The following LSAMP variants were observed in gnomAD, a reference collection of about 807,000 sequenced individuals.
LSAMP encodes the protein limbic system associated membrane protein, also known as limbic system-associated membrane protein.
A neutral mutation model predicts 38.6 loss-of-function variants in LSAMP; 7 were observed. The observed-to-expected ratio is 0.18, with a 90% CI of 0.10 to 0.34. The LOEUF (loss-of-function observed/expected upper bound fraction) is 0.34, where lower values mean the gene tolerates loss of function less well. Ranked by LOEUF, LSAMP falls within the 10% of genes least tolerant of loss-of-function variation. The pLI, the probability that LSAMP is intolerant of heterozygous loss-of-function variation, is 1.00. For synonymous variants in LSAMP, 154 were observed against 166.8 expected (o/e 0.92, Z 0.59); for missense variants, 313 against 420.0 (o/e 0.75, Z 2.23).
rs552056141 is a variant in LSAMP, at chr3:116,130,913, T to C, written c.156-44357A>G. 9.2e-5 allele frequency among the ~76,000 whole-genome samples: 14 copies of C among 152,056 alleles called. No individual in the cohort carries two copies. The South Asian group carries it at 2.7e-3, about 29-fold the overall frequency. ...CTTCTCTCACTGGGCCTTGCTCTAATGAGTGTATGTTGTTCTTTAGTCATT... is the reference window on the plus strand; with the variant it reads ...CTTCTCTCACTGGGCCTTGCTCTAACGAGTGTATGTTGTTCTTTAGTCATT... On this transcript the variant is annotated intron_variant, in intron 1 of 6. Coordinates refer to ENST00000490035, the MANE Select transcript of LSAMP (RefSeq NM_002338.5).
chr3:116,387,002 A>G (rs1559849817), intron 1 of LSAMP, among the ~76,000 whole-genome samples: 2 of 152,220 alleles, frequency 1.3e-5, no homozygotes, highest in Non-Finnish European at 2.9e-5. Flanking sequence ...CACAACGTTT[A>G]TCTTATATAG....
chr3:116,385,091 CA>C (rs1292744200), intron 1 of LSAMP, among the ~76,000 whole-genome samples: 1 of 143,366 alleles, frequency 7.0e-6, no homozygotes, highest in Non-Finnish European at 1.5e-5. Flanking sequence ...ATAGGAAACT[CA>C]AGAAGGAATG....
intron 2 of LSAMP, among the ~76,000 whole-genome samples, chr3:116,020,306 C>T (rs1213978562): frequency 1.3e-5 from 2 of 152,188 alleles, no homozygotes; most frequent in Non-Finnish European, 2.9e-5. Flanking sequence ...AACACCACTA[C>T]TACTAACAAT....
intron 1 of LSAMP, among the ~76,000 whole-genome samples, chr3:116,137,899 C>T (rs970479494): frequency 6.6e-6 from 1 of 152,104 alleles, no homozygotes; most frequent in Non-Finnish European, 1.5e-5. Context: ...TCCTCTCTGC[C>T]CATTTCACTT....
intron 1 of LSAMP, among the ~76,000 whole-genome samples, chr3:116,348,674 C>G (rs919059893): frequency 6.6e-6 from 1 of 152,234 alleles, no homozygotes; most frequent in Admixed American, 6.5e-5. Context: ...TAATTCCCAA[C>G]CACAGAATTA....
At chr3:115,911,139 G>GTGAAATTAAA (rs1388666532) in intron 3 of LSAMP, among the ~76,000 whole-genome samples, 2 of 152,130 alleles carry the variant, frequency 1.3e-5, no homozygotes, top group African/African-American at 2.4e-5. Flanking sequence ...TTGAAGAGTT[G>GTGAAATTAAA]TGAAATTAAA....
At chr3:116,427,982 A>G (rs2049226084) in intron 1 of LSAMP, among the ~76,000 whole-genome samples, 1 of 152,204 alleles carries the variant, frequency 6.6e-6, no homozygotes, top group African/African-American at 2.4e-5. Context: ...AATTTAGTCA[A>G]TGAAATTAAT....
At chr3:116,260,187 G>T (rs2046806114) in intron 1 of LSAMP, among the ~76,000 whole-genome samples, 1 of 151,966 alleles carries the variant, frequency 6.6e-6, no homozygotes, top group Admixed American at 6.6e-5. Flanking sequence ...TTTCAATAAG[G>T]ATCCTTCTTT....
At chr3:115,919,886 C>T (rs775365967) in intron 3 of LSAMP, among the ~76,000 whole-genome samples, 33 of 152,138 alleles carry the variant, frequency 2.2e-4, no homozygotes, top group Non-Finnish European at 3.7e-4. Context: ...GGATTACAGG[C>T]GTGAGCCACC....
At chr3:116,112,530 A>T (rs1458967689) in intron 1 of LSAMP, among the ~76,000 whole-genome samples, 1 of 152,220 alleles carries the variant, frequency 6.6e-6, no homozygotes, top group Non-Finnish European at 1.5e-5. Flanking sequence ...TAACAATCAG[A>T]TGTTACAATC....
At chr3:116,294,917 A>G (rs923765091) in intron 1 of LSAMP, among the ~76,000 whole-genome samples, 1 of 148,534 alleles carries the variant, frequency 6.7e-6, no homozygotes, top group East Asian at 1.9e-4. Context: ...TGCAAGCCAG[A>G]CCAGAGGAGT....
intron 3 of LSAMP, among the ~76,000 whole-genome samples, chr3:115,896,714 T>C (rs146235019): frequency 1.2e-4 from 18 of 152,256 alleles, no homozygotes; most frequent in Admixed American, 3.9e-4. Flanking sequence ...TAATTTCTAC[T>C]GTTCTCCTCA....
chr3:115,868,048 A>T (rs569468133), intron 3 of LSAMP, among the ~76,000 whole-genome samples: 46 of 152,234 alleles, frequency 3.0e-4, no homozygotes, highest in Non-Finnish European at 6.0e-4. Context: ...CCTAGTCCTA[A>T]TATAGTTACA....
chr3:116,091,894 C>G (rs960536018), intron 1 of LSAMP, among the ~76,000 whole-genome samples: 1 of 152,138 alleles, frequency 6.6e-6, no homozygotes, highest in Admixed American at 6.6e-5. Flanking sequence ...AGGACATGGA[C>G]GTATGCTATA....
chr3:116,286,331 G>A (rs112049685), intron 1 of LSAMP, among the ~76,000 whole-genome samples: 1,789 of 152,230 alleles, frequency 0.012, 30 homozygotes, highest in African/African-American at 0.037. Flanking sequence ...ACCTTGCCAT[G>A]GATACAAGCT....
chr3:115,844,117 C>T (rs1935083330), intron 4 of LSAMP, among the ~76,000 whole-genome samples: 1 of 152,118 alleles, frequency 6.6e-6, no homozygotes, highest in African/African-American at 2.4e-5. Context: ...TGAGGGAATC[C>T]TATTTTAATG....
At chr3:116,041,805 ACAAAAC>A (rs1559930933) in intron 2 of LSAMP, among the ~76,000 whole-genome samples, 4 of 144,774 alleles carry the variant, frequency 2.8e-5, no homozygotes, top group African/African-American at 5.4e-5. Context: ...GCAAAAAAAA[ACAAAAC>A]AAAACAAAAA....
intron 1 of LSAMP, among the ~76,000 whole-genome samples, chr3:116,344,593 G>A (rs1487691742): frequency 6.6e-6 from 1 of 152,000 alleles, no homozygotes; most frequent in Non-Finnish European, 1.5e-5. Flanking sequence ...ACATCTGAAA[G>A]CACCTGGTGC....
At chr3:115,939,584 C>CTTTCTTTCTTTCTCTTTCTT (rs1576237854) in intron 3 of LSAMP, among the ~76,000 whole-genome samples, 1 of 131,806 alleles carries the variant, frequency 7.6e-6, no homozygotes, top group Admixed American at 7.6e-5. Context: ...TTCTTTCTTT[C>CTTTCTTTCTTTCTCTTTCTT]TGTTAAGAGA....
Sources: allele counts gnomAD v4.1 joint callset (sites outside exome capture counted in the v4.1 genomes callset), GRCh38; gene constraint gnomAD v4.1.1; transcripts MANE v1.5; gene names NCBI Gene and HGNC (gene_info 2026-07-23, HGNC 2026-07-21).